The following ANO2 variants were observed in gnomAD, a reference collection of about 807,000 sequenced individuals.
ANO2 encodes the protein anoctamin 2.
In ANO2, 101 loss-of-function variants were observed where a neutral mutation model predicts 124.2. The ratio of observed to expected loss-of-function variants is 0.81; its 90% CI spans 0.69 to 0.96. ANO2 has a LOEUF of 0.96. ANO2 is among the 40% of genes least tolerant of loss of function. ANO2 has a pLI of 0.00. For synonymous variants in ANO2, 486 were observed against 482.5 expected, an observed-to-expected ratio of 1.01 and a Z score of -0.09; for missense variants, 1,293 against 1,274.5, an observed-to-expected ratio of 1.01 and a Z score of -0.22.
intron 14 of ANO2, among the ~76,000 whole-genome samples, chr12:5,687,221 T>G (rs1250231135): frequency 6.6e-6 from 1 of 152,186 alleles, no homozygotes; most frequent in Non-Finnish European, 1.5e-5. Flanking sequence ...TACACACATT[T>G]CCTGTTCTAC....
chr12:5,906,659 G>C (rs928311072), intron 3 of ANO2, among the ~76,000 whole-genome samples: 1 of 152,094 alleles, frequency 6.6e-6, no homozygotes, highest in Non-Finnish European at 1.5e-5. Flanking sequence ...GCTGGGCATG[G>C]TGGTGCGCAC....
At chr12:5,580,350 T>C (rs139431836) in intron 20 of ANO2, among the ~76,000 whole-genome samples, 30 of 152,334 alleles carry the variant, frequency 2.0e-4, no homozygotes, top group African/African-American at 7.2e-4. Flanking sequence ...GGAATAAATA[T>C]CAACATGTAC....
Position 5,744,659 on chromosome 12 carries a change from C to T in ANO2, c.1191-342G>A, listed in dbSNP as rs1011611088. Among the ~76,000 whole-genome samples, 2 of 152,164 alleles carry T rather than the reference C, an allele frequency of 1.3e-5. 1 individual carries two copies. The highest frequency in any genetic ancestry group is 1.3e-4 in the Admixed American group (2 of 15,282). ...ATGAGGTTGGTGGAATGGGATGCAT[C>T]CACAGTTGTGAATAAATCACAGCCT... is the stretch of plus-strand genomic sequence containing the variant. On this transcript the variant is annotated intron_variant, in intron 11 of 24. Coordinates refer to ENST00000682330, the MANE Select transcript of ANO2 (RefSeq NM_001364791.2).
At chr12:5,807,882 T>C (rs1407614443) in intron 7 of ANO2, among the ~76,000 whole-genome samples, 2 of 152,162 alleles carry the variant, frequency 1.3e-5, no homozygotes, top group Admixed American at 6.5e-5. Context: ...AAATGTGGTC[T>C]GGGGAGCCCT....
chr12:5,639,494 C>A (rs755075797), intron 15 of ANO2, among the ~76,000 whole-genome samples: 1 of 152,126 alleles, frequency 6.6e-6, no homozygotes, highest in Non-Finnish European at 1.5e-5. Context: ...GTACCTTCAG[C>A]ACGAGAAATA....
rs534274970 is a variant in ANO2 at position 5,859,537 on chromosome 12, T to G, written c.535-5396A>C. Among the ~76,000 whole-genome samples the G allele has an allele frequency of 2.0e-5, 3 of 150,506 alleles. No individual in the cohort carries two copies. The South Asian group carries it at 6.3e-4, about 31-fold the overall frequency. On this transcript the variant is annotated intron_variant, in intron 3 of 24. Transcript: ENST00000682330. Reference sequence around the variant, plus strand: ...TGACTTCTGAGTTCACCGGTCTCTCTCTCTTTTTTTTTTTCCAAGATGGGG... The same window carrying G: ...TGACTTCTGAGTTCACCGGTCTCTCGCTCTTTTTTTTTTTCCAAGATGGGG...
chr12:5,873,907 T>C (rs1937913981), intron 3 of ANO2, among the ~76,000 whole-genome samples: 1 of 152,208 alleles, frequency 6.6e-6, no homozygotes, highest in Non-Finnish European at 1.5e-5. Flanking sequence ...CTCTCAGCTC[T>C]AGGGACACCA....
intron 3 of ANO2, among the ~76,000 whole-genome samples, chr12:5,879,434 A>G (rs1456634258): frequency 6.6e-6 from 1 of 152,268 alleles, no homozygotes; most frequent in Admixed American, 6.5e-5. Context: ...AGTCATAAGC[A>G]CGTGCTAAGT....
intron 16 of ANO2, among the ~76,000 whole-genome samples, chr12:5,622,374 C>T (rs1945159335): frequency 6.6e-6 from 1 of 152,160 alleles, no homozygotes; most frequent in Admixed American, 6.5e-5. Context: ...CAGCCTGTGC[C>T]TGTGCTTTAG....
intron 14 of ANO2, among the ~76,000 whole-genome samples, chr12:5,709,728 C>G (rs1011507401): frequency 6.6e-6 from 1 of 152,228 alleles, no homozygotes; most frequent in African/African-American, 2.4e-5. Context: ...ACAAGCGACA[C>G]TTTTAGGACA....
In ANO2 at chr12:5,889,217, G is replaced by A. The variant is rs902566913; in HGVS notation, c.534+31823C>T. On this transcript the variant is annotated intron_variant, in intron 3 of 24. Coordinates refer to ENST00000682330, the MANE Select transcript of ANO2 (RefSeq NM_001364791.2). ...AGCGCCACGCGCAGCCCTGGTTCCC[G>A]ACCATGCCTCTCCCTCTACACCTCC... Among the ~76,000 whole-genome samples the A allele has an allele frequency of 7.9e-5, 12 of 151,974 alleles. No homozygotes were observed. The East Asian group carries it at 1.6e-3, about 20-fold the overall frequency.
chr12:5,640,363 C>T (rs1429504062), intron 15 of ANO2, among the ~76,000 whole-genome samples: 1 of 152,146 alleles, frequency 6.6e-6, no homozygotes, highest in African/African-American at 2.4e-5. Context: ...CACCCTGACC[C>T]CTTCATCTCA....
chr12:5,820,658 C>T (rs569544204), intron 7 of ANO2, among the ~76,000 whole-genome samples: 2 of 152,328 alleles, frequency 1.3e-5, no homozygotes, highest in African/African-American at 4.8e-5. Flanking sequence ...TATCGCATCC[C>T]TGGAGGGTGT....
intron 10 of ANO2, among the ~76,000 whole-genome samples, chr12:5,775,367 T>G (rs1952202553): frequency 1.3e-5 from 2 of 152,142 alleles, no homozygotes; most frequent in Admixed American, 1.3e-4. Flanking sequence ...TATGCCCGTA[T>G]GAGTCATGTT....
chr12:5,937,779 G>C (rs1942715874), intron 1 of ANO2, among the ~76,000 whole-genome samples: 1 of 152,074 alleles, frequency 6.6e-6, no homozygotes. Context: ...AATCTGGAAG[G>C]GTTCAGCCTC....
intron 4 of ANO2, among the ~76,000 whole-genome samples, chr12:5,840,193 G>A (rs1376490338): frequency 6.6e-6 from 1 of 152,112 alleles, no homozygotes; most frequent in Non-Finnish European, 1.5e-5. Context: ...TACATGATAC[G>A]CCTTTCATGT....
At chr12:5,612,871 C>G in intron 18 of ANO2, 30 bp downstream of exon 18, 9 of 1,613,524 alleles carry the variant, frequency 5.6e-6, no homozygotes, top group Non-Finnish European at 7.6e-6. Context: ...GTTGGGGTGC[C>G]AGGCATGAAA....
intron 1 of ANO2, among the ~76,000 whole-genome samples, chr12:5,932,470 A>C (rs1398190315): frequency 6.7e-6 from 1 of 149,786 alleles, no homozygotes; most frequent in Non-Finnish European, 1.5e-5. Flanking sequence ...TGAGGAAAGA[A>C]GGTAGACTAG....
At chr12:5,604,282 TG>T (rs1555097359) in intron 19 of ANO2, among the ~76,000 whole-genome samples, 7 of 149,286 alleles carry the variant, frequency 4.7e-5, no homozygotes, top group Admixed American at 2.7e-4. Context: ...TTGATGAGGA[TG>T]AGGAGGAGGA....
Sources: allele counts gnomAD v4.1 joint callset (sites outside exome capture counted in the v4.1 genomes callset), GRCh38; gene constraint gnomAD v4.1.1; transcripts MANE v1.5; gene names NCBI Gene and HGNC (gene_info 2026-07-23, HGNC 2026-07-21).